Variants in ZNF536 observed in about 807,000 individuals in gnomAD.
ZNF536 encodes the protein zinc finger protein 536.
In ZNF536, 13 loss-of-function variants were observed where a neutral mutation model predicts 84.5. The observed-to-expected ratio is 0.15, with a 90% CI of 0.10 to 0.24. ZNF536 has a LOEUF of 0.24. Ranked by LOEUF, ZNF536 falls within the 10% of genes least tolerant of loss-of-function variation. ZNF536 has a pLI of 1.00. For synonymous variants in ZNF536, 811 were observed against 742.5 expected, an observed-to-expected ratio of 1.09 and a Z score of -1.50; for missense variants, 1,536 against 1,747.5, an observed-to-expected ratio of 0.88 and a Z score of 2.16.
upstream of ZNF536, among the ~76,000 whole-genome samples, chr19:30,370,444 A>G (rs1028732919): frequency 2.0e-5 from 3 of 152,054 alleles, no homozygotes; most frequent in African/African-American, 7.3e-5. Context: ...TGAGCCAACA[A>G]CCTCCCCTGA....
At position 30,548,171 on chromosome 19, in the gene ZNF536, G is replaced by A. The variant is rs751471205; in HGVS notation, c.2552G>A (p.Arg851Lys). 2 of 1,614,058 alleles carry A rather than the reference G, an allele frequency of 1.2e-6. No homozygotes were observed. The highest frequency in any genetic ancestry group is 3.3e-5 in the Admixed American group (2 of 60,006). Residue 851 changes from arginine to lysine, a missense_variant, in exon 4 of 5, where the codon AGA becomes AAA. By Grantham distance (26) the Arg-to-Lys change is conservative. Around this residue, in one of 8 missense-constraint regions of ZNF536, gnomAD observed 624 missense variants for 603.1 expected, o/e 1.03. Transcript: ENST00000355537. Reference protein sequence around the residue: ...AFKGLPGIDFRGGPASQQWTS... With the variant: ...AFKGLPGIDFKGGPASQQWTS... ...AAGGGTCTCCCTGGAATCGACTTCA[G>A]AGGAGGCCCTGCATCTCAGCAGTGG...
At chr19:30,522,789 C>T (rs73024898) in intron 2 of ZNF536, among the ~76,000 whole-genome samples, 14,673 of 152,048 alleles carry the variant, frequency 0.097, 966 homozygotes, top group Non-Finnish European at 0.15. Flanking sequence ...GAGGGGCTTT[C>T]AATTATCTTA....
chr19:30,517,693 G>A (rs2044140353), intron 2 of ZNF536, among the ~76,000 whole-genome samples: 1 of 152,096 alleles, frequency 6.6e-6, no homozygotes. Context: ...GACACGGGAG[G>A]ATTGTTGGAG....
At chr19:30,653,753 C>T (rs1017713126) in intron 1 of ZNF536, among the ~76,000 whole-genome samples, 10 of 152,120 alleles carry the variant, frequency 6.6e-5, no homozygotes, top group African/African-American at 2.4e-4. Context: ...GTGGCTCTTC[C>T]CTTCTCCGCC....
intron 3 of ZNF536, among the ~76,000 whole-genome samples, chr19:30,361,783 CG>C (rs1398344119): frequency 9.1e-6 from 1 of 109,384 alleles, no homozygotes; most frequent in Non-Finnish European, 1.7e-5. Context: ...TCTGCCCCTG[CG>C]GGCGGCCTGG....
chr19:30,363,031 C>T (rs2048323292), intron 3 of ZNF536, among the ~76,000 whole-genome samples: 1 of 151,906 alleles, frequency 6.6e-6, no homozygotes, highest in African/African-American at 2.4e-5. Flanking sequence ...TGCACTCCAG[C>T]CTGGGCAACG....
chr19:30,326,804 T>TTTTG (rs2047048490), intron 2 of ZNF536, among the ~76,000 whole-genome samples: 2 of 128,368 alleles, frequency 1.6e-5, no homozygotes, highest in Admixed American at 1.6e-4. Context: ...TTTTTTTTTT[T>TTTTG]TTTTTTTTTT....
intron 3 of ZNF536, among the ~76,000 whole-genome samples, chr19:30,354,997 G>A (rs994531504): frequency 5.3e-5 from 8 of 152,138 alleles, no homozygotes; most frequent in Non-Finnish European, 8.8e-5. Context: ...ATGCCCTCCC[G>A]ATTCTTTGCA....
intron 3 of ZNF536, among the ~76,000 whole-genome samples, chr19:30,355,380 T>C (rs2048060625): frequency 6.6e-6 from 1 of 151,956 alleles, no homozygotes; most frequent in Admixed American, 6.6e-5. Context: ...GGTCTCGTTG[T>C]TTTATTTTAT....
intron 1 of ZNF536, among the ~76,000 whole-genome samples, chr19:30,380,868 G>C (rs989458330): frequency 2.0e-5 from 3 of 151,948 alleles, no homozygotes; most frequent in African/African-American, 7.2e-5. Context: ...TTTATATATT[G>C]TTACATATTT....
chr19:30,451,251 G>A (rs530824256), intron 2 of ZNF536, among the ~76,000 whole-genome samples: 119 of 152,382 alleles, frequency 7.8e-4, no homozygotes, highest in Non-Finnish European at 2.2e-4. Flanking sequence ...CACTTGGGAC[G>A]CCCTGCTCGT....
chr19:30,301,372 G>A (rs7260119), intron 2 of ZNF536, among the ~76,000 whole-genome samples: 2,019 of 152,292 alleles, frequency 0.013, 37 homozygotes, highest in African/African-American at 0.046. Context: ...GCGGCGATGC[G>A]GACGCTGTTG....
At chr19:30,511,449 A>G (rs1218319316) in intron 2 of ZNF536, among the ~76,000 whole-genome samples, 1 of 152,304 alleles carries the variant, frequency 6.6e-6, no homozygotes, top group East Asian at 1.9e-4. Context: ...TTTACAGTTT[A>G]TGTTTTCCAC....
chr19:30,615,134 A>T (rs2048243906), intron 1 of ZNF536, among the ~76,000 whole-genome samples: 1 of 145,664 alleles, frequency 6.9e-6, no homozygotes, highest in African/African-American at 2.6e-5. Flanking sequence ...TTTAGTAGAG[A>T]CGGGGTTTCA....
At chr19:30,577,946 CAATG>C (rs747014016) in intron 1 of ZNF536, among the ~76,000 whole-genome samples, 5 of 152,232 alleles carry the variant, frequency 3.3e-5, no homozygotes, top group Non-Finnish European at 7.4e-5. Flanking sequence ...GTTTCGCAGG[CAATG>C]GGAGGAAAAT....
intron 1 of ZNF536, among the ~76,000 whole-genome samples, chr19:30,423,231 C>A (rs1458221300): frequency 6.6e-6 from 1 of 151,786 alleles, no homozygotes; most frequent in African/African-American, 2.4e-5. Context: ...CTCCCTTCCT[C>A]CACCCGCCCA....
chr19:30,506,454 C>A (rs1159379648), intron 2 of ZNF536, among the ~76,000 whole-genome samples: 1 of 152,220 alleles, frequency 6.6e-6, no homozygotes. Flanking sequence ...CACTCAGCTG[C>A]GCTGTTTGAA....
Position 30,597,877 on chromosome 19 carries a change from A to G in ZNF536, c.169+48363A>G, listed in dbSNP as rs189060930. ...TATGCATGTTGTTATTGATATGTGTATTGTTGTTGTGTATACATTATTTTG... is the reference window on the plus strand; with the variant it reads ...TATGCATGTTGTTATTGATATGTGTGTTGTTGTTGTGTATACATTATTTTG... On this transcript the variant is annotated intron_variant, in intron 1 of 1. Transcript: ENST00000592773. Among the ~76,000 whole-genome samples the G allele has an allele frequency of 7.9e-4, 120 of 151,890 alleles. 1 individual carries two copies. The East Asian group carries it at 0.022, about 28-fold the overall frequency.
At chr19:30,249,555 T>A (rs185703903) in intron 1 of ZNF536, among the ~76,000 whole-genome samples, 1 of 152,104 alleles carries the variant, frequency 6.6e-6, no homozygotes, top group Non-Finnish European at 1.5e-5. Flanking sequence ...AAAAAACACA[T>A]GCAAAAAGGA....
Sources: allele counts gnomAD v4.1 joint callset (sites outside exome capture counted in the v4.1 genomes callset), GRCh38; gene constraint gnomAD v4.1.1; regional missense constraint gnomAD v4.1.1; transcripts MANE v1.5; gene names NCBI Gene and HGNC (gene_info 2026-07-23, HGNC 2026-07-21).